PTPRD: variants seen among roughly 807,000 people sequenced by gnomAD.
PTPRD encodes protein tyrosine phosphatase receptor type D.
In PTPRD, 34 loss-of-function variants were observed where a neutral mutation model predicts 214.5. The ratio of observed to expected loss-of-function variants is 0.16; its 90% CI spans 0.12 to 0.21. The LOEUF is 0.21. Among genes scored for constraint, PTPRD ranks in the 10% least tolerant of loss-of-function variants. The pLI, the probability that PTPRD is intolerant of heterozygous loss-of-function variation, is 1.00. For missense variants in PTPRD, 2,545 were observed against 2,398.7 expected (o/e 1.06, Z -1.27); for synonymous variants, 1,128 against 845.7 (o/e 1.33, Z -5.79).
intron 7 of PTPRD, among the ~76,000 whole-genome samples, chr9:9,603,461 A>C (rs959708691): frequency 2.0e-4 from 30 of 152,312 alleles, no homozygotes; most frequent in Middle Eastern, 3.4e-3. Flanking sequence ...AGAGGTCCCC[A>C]ACCCTAAGGA....
At chr9:8,822,259 G>A (rs1199446043) in intron 11 of PTPRD, among the ~76,000 whole-genome samples, 1 of 152,094 alleles carries the variant, frequency 6.6e-6, no homozygotes, top group Non-Finnish European at 1.5e-5. Context: ...TTTGCCCCTG[G>A]AACATTCATC....
chr9:8,939,643 T>A (rs10816009), intron 11 of PTPRD, among the ~76,000 whole-genome samples: 21,231 of 152,146 alleles, frequency 0.14, 1,649 homozygotes, highest in South Asian at 0.21. Flanking sequence ...AAATCTAACT[T>A]AAAAGGCAAT....
chr9:8,755,072 G>A (rs541425693), intron 11 of PTPRD, among the ~76,000 whole-genome samples: 2 of 152,240 alleles, frequency 1.3e-5, no homozygotes, highest in Admixed American at 1.3e-4. Context: ...TGGGAAGGTT[G>A]CAGTGCAAAT....
At chr9:9,004,525 G>C (rs2099447079) in intron 11 of PTPRD, among the ~76,000 whole-genome samples, 1 of 151,906 alleles carries the variant, frequency 6.6e-6, no homozygotes, top group Non-Finnish European at 1.5e-5. Context: ...TCAAGATCCG[G>C]AATGATTGCA....
intron 4 of PTPRD, among the ~76,000 whole-genome samples, chr9:9,991,977 G>A (rs149390342): frequency 6.6e-5 from 10 of 152,030 alleles, no homozygotes; most frequent in African/African-American, 1.4e-4. Flanking sequence ...ACAACATAAC[G>A]AACCTCAAAA....
intron 10 of PTPRD, among the ~76,000 whole-genome samples, chr9:9,043,438 G>A (rs1376789044): frequency 6.6e-6 from 1 of 152,120 alleles, no homozygotes; most frequent in Non-Finnish European, 1.5e-5. Flanking sequence ...TTATCAGGAT[G>A]ACCTCGAGGT....
chr9:8,650,507 A>G (rs1686439416), intron 12 of PTPRD, among the ~76,000 whole-genome samples: 1 of 145,934 alleles, frequency 6.9e-6, no homozygotes, highest in South Asian at 2.2e-4. Context: ...CCTGGGCAAA[A>G]AGAGCAAAAA....
chr9:8,505,381 G>C (rs1230168751), intron 22 of PTPRD, among the ~76,000 whole-genome samples: 2 of 152,092 alleles, frequency 1.3e-5, no homozygotes, highest in Non-Finnish European at 2.9e-5. Context: ...CCACCACTTT[G>C]GGAGGCCAAG....
rs1237614159 is a variant in PTPRD, at chr9:9,384,363, T to G, written c.-203+13086A>C. 5.7e-3 allele frequency among the ~76,000 whole-genome samples: 670 copies of G among 117,272 alleles called. 18 individuals carry two copies. The highest frequency in any genetic ancestry group is 0.022 in the African/African-American group (633 of 28,668). The allele number at this position is 117,272 out of a possible 152,430, so 76.9% of individuals were successfully genotyped here. On this transcript the variant is annotated intron_variant, in intron 9 of 45. Transcript: ENST00000381196. Reference sequence around the variant, plus strand: ...CTAGGCTTTTTTTTTTTTTTTTTTTTTTTTTTTTTTTTTTTTTTTTTCTGG... The same window carrying G: ...CTAGGCTTTTTTTTTTTTTTTTTTTGTTTTTTTTTTTTTTTTTTTTTCTGG...
intron 2 of PTPRD, among the ~76,000 whole-genome samples, chr9:10,421,830 T>A (rs1343699499): frequency 6.6e-6 from 1 of 151,860 alleles, no homozygotes. Flanking sequence ...ATTTTTATAT[T>A]TTTTTCTGCT....
chr9:10,366,166 GAT>G (rs2097512057), intron 2 of PTPRD, among the ~76,000 whole-genome samples: 1 of 152,164 alleles, frequency 6.6e-6, no homozygotes, highest in Admixed American at 6.5e-5. Flanking sequence ...TAGTGCTGCT[GAT>G]ATATGGCTCT....
chr9:8,392,262 T>C (rs984365440), intron 36 of PTPRD, among the ~76,000 whole-genome samples: 2 of 152,058 alleles, frequency 1.3e-5, no homozygotes, highest in African/African-American at 2.4e-5. Context: ...TGGTGGCTCA[T>C]GCCTGTAATT....
chr9:9,790,253 T>C (rs1487303120), intron 5 of PTPRD, among the ~76,000 whole-genome samples: 1 of 152,208 alleles, frequency 6.6e-6, no homozygotes, highest in Non-Finnish European at 1.5e-5. Flanking sequence ...ACAATTTTTC[T>C]TAAATGAGAA....
chr9:9,407,302 T>C (rs1291471817), intron 8 of PTPRD, among the ~76,000 whole-genome samples: 6 of 151,724 alleles, frequency 4.0e-5, no homozygotes, highest in Non-Finnish European at 7.4e-5. Flanking sequence ...AATTCTAATA[T>C]ATGAATATAC....
At chr9:9,710,593 T>C (rs966137834) in intron 7 of PTPRD, among the ~76,000 whole-genome samples, 4 of 151,326 alleles carry the variant, frequency 2.6e-5, no homozygotes, top group South Asian at 2.1e-4. Flanking sequence ...AGATTTAATA[T>C]CATCTATTCT....
chr9:8,785,201 TAA>T (rs2095889147), intron 11 of PTPRD, among the ~76,000 whole-genome samples: 1 of 151,934 alleles, frequency 6.6e-6, no homozygotes, highest in East Asian at 1.9e-4. Context: ...AACACATATT[TAA>T]AAGAGACTGA....
At chr9:8,896,056 C>T (rs1262078242) in intron 11 of PTPRD, among the ~76,000 whole-genome samples, 1 of 152,098 alleles carries the variant, frequency 6.6e-6, no homozygotes, top group Non-Finnish European at 1.5e-5. Flanking sequence ...CATTTCCTAT[C>T]TTTTTTCAGT....
At chr9:9,627,055 T>G (rs1230848737) in intron 7 of PTPRD, among the ~76,000 whole-genome samples, 1 of 152,246 alleles carries the variant, frequency 6.6e-6, no homozygotes, top group East Asian at 1.9e-4. Flanking sequence ...GGCTCGTGCC[T>G]GTAATTCCCA....
At chr9:9,919,773 A>C (rs1427655136) in intron 5 of PTPRD, among the ~76,000 whole-genome samples, 1 of 152,130 alleles carries the variant, frequency 6.6e-6, no homozygotes. Flanking sequence ...TAACTATTTA[A>C]CCTGCCTGAG....
Sources: allele counts gnomAD v4.1 joint callset (sites outside exome capture counted in the v4.1 genomes callset), GRCh38; gene constraint gnomAD v4.1.1; transcripts MANE v1.5; gene names NCBI Gene and HGNC (gene_info 2026-07-23, HGNC 2026-07-21).